Variants in ATP8B3 observed in about 807,000 individuals in gnomAD.
The protein encoded by ATP8B3 is ATPase phospholipid transporting 8B3.
ATP8B3 carries 141 observed loss-of-function variants against 140.9 expected under a neutral mutation model. The observed-to-expected ratio is 1.00, with a 90% CI of 0.87 to 1.15. The LOEUF (loss-of-function observed/expected upper bound fraction) is 1.15, where lower values mean the gene tolerates loss of function less well. Among genes scored for constraint, ATP8B3 ranks in the 50% most tolerant of loss-of-function variants. The probability of loss-of-function intolerance (pLI) is 0.00; values close to 1 mark genes in which losing one functional copy is unlikely to be tolerated. For missense variants in ATP8B3, 1,874 were observed against 1,740.6 expected (o/e 1.08, Z -1.36); for synonymous variants, 765 against 714.6 (o/e 1.07, Z -1.13).
rs184935422 is a variant in ATP8B3 at position 1,797,560 on chromosome 19, C to T, written c.1553-555G>A. Among the ~76,000 whole-genome samples, 28 of 150,678 alleles carry T rather than the reference C, an allele frequency of 1.9e-4. 2 individuals are homozygous for T. The East Asian group carries it at 5.4e-3, about 29-fold the overall frequency. ...TGTCGCCCAGACTGGAGTGCAGTGGCACAAGCTCAGCTCACTGCAACCTCA... is the reference window on the plus strand; with the variant it reads ...TGTCGCCCAGACTGGAGTGCAGTGGTACAAGCTCAGCTCACTGCAACCTCA... On this transcript the variant is annotated intron_variant, in intron 14 of 28. Transcript: ENST00000310127.
intron 5 of ATP8B3, 102 bp downstream of exon 5, chr19:1,808,120 G>A (rs1341555129): frequency 5.4e-6 from 5 of 925,094 alleles, no homozygotes; most frequent in Non-Finnish European, 8.5e-6. Context: ...GAGGGTCCCA[G>A]TCTGTGGGGA....
Position 1,810,614 on chromosome 19 carries a change from AT to A in ATP8B3, c.310+7del, listed in dbSNP as rs1332583650. On this transcript the variant is annotated splice_region_variant and intron_variant, in intron 3 of 28. Transcript: ENST00000310127. ...ACCTGCACCGCCCCCTCTGCCCAGGATCAGCACCTGAGTTCCTGTCCTCATC... is the reference window on the plus strand; with the variant it reads ...ACCTGCACCGCCCCCTCTGCCCAGGACAGCACCTGAGTTCCTGTCCTCATC... 1.2e-6 allele frequency: 2 copies of A among 1,612,126 alleles called. No individual in the cohort carries two copies. The highest frequency in any genetic ancestry group is 1.7e-5 in the Admixed American group (1 of 59,826).
intron 10 of ATP8B3, among the ~76,000 whole-genome samples, chr19:1,804,439 A>G (rs957346893): frequency 6.6e-6 from 1 of 152,100 alleles, no homozygotes; most frequent in African/African-American, 2.4e-5. Flanking sequence ...GAAACCCTGT[A>G]TCTACTAAAA....
rs187576612 is a variant in ATP8B3, at chr19:1,795,985, G to C, written c.1945C>G (p.Arg649Gly). The C allele has an allele frequency of 9.5e-5, 153 of 1,613,002 alleles. No individual in the cohort carries two copies. Among genetic ancestry groups the C allele is most frequent in the Non-Finnish European group, 1.2e-4 (141 of 1,179,852 alleles). The change falls in exon 18 of 29, where the codon CGA becomes GGA. Residue 649 changes from arginine to glycine, a missense_variant and splice_region_variant. By Grantham distance (125) the Arg-to-Gly change is moderately radical (BLOSUM62 -2). Around this residue, in one of 3 missense-constraint regions of ATP8B3, gnomAD observed 1,032 missense variants for 963.6 expected, o/e 1.07. Coordinates refer to ENST00000310127, the MANE Select transcript of ATP8B3 (RefSeq NM_138813.4). ...AGGCAGATGGCGCCCTCTGGCTTTC[G>C]AACTGTGGGGGAACAGGCCCTGCTG... is the stretch of plus-strand genomic sequence containing the variant. ...STRKRMSVLV[R>G]KPEGAICLYT... is the part of the protein sequence containing the mutation.
chr19:1,810,543 G>A (rs1221271049), intron 3 of ATP8B3, 79 bp downstream of exon 3: 1 of 1,416,504 alleles, frequency 7.1e-7, no homozygotes, highest in East Asian at 2.6e-5. Context: ...GGATTACAGG[G>A]GAGAGCCACC....
chr19:1,792,336 T>C (rs545200920), intron 18 of ATP8B3, among the ~76,000 whole-genome samples: 1 of 152,180 alleles, frequency 6.6e-6, no homozygotes, highest in African/African-American at 2.4e-5. Flanking sequence ...TCCCAGCACT[T>C]TGGGAGGCTG....
In ATP8B3 at chr19:1,811,934, C is replaced by T. The variant is rs575785315; in HGVS notation, c.-148-50G>A. On this transcript the variant is annotated intron_variant, in intron 1 of 28. Transcript: ENST00000310127. ...ACAGCGCTGGCTTCCTGCCCCCTCA[C>T]TAACTGGGATGCCCCATTACTCGGA... 9.0e-5 allele frequency: 57 copies of T among 635,110 alleles called. No homozygotes were observed. The African/African-American group carries it at 9.0e-4, about 10-fold the overall frequency. 39.3% of individuals were successfully genotyped at this position (635,110 alleles called of 1,614,324 possible).
chr19:1,806,033 T>C lies in ATP8B3; in HGVS notation c.750+64A>G, dbSNP rs1181331413. On this transcript the variant is annotated intron_variant, in intron 8 of 28. Coordinates refer to ENST00000310127, the MANE Select transcript of ATP8B3 (RefSeq NM_138813.4). This position sits in a 1 kb window ranked among gnomAD's most constrained non-coding sequence, Gnocchi z 5.6. ...GGGGGTGCGGCAGCCCTCCCCACCC[T>C]GGGAGGGGTGCTCTCGGTGAGGGGG... 21 of 1,597,276 alleles carry C rather than the reference T, an allele frequency of 1.3e-5. No individual in the cohort carries two copies. The highest frequency in any genetic ancestry group is 1.7e-4 in the Middle Eastern group (1 of 6,050).
chr19:1,811,344 G>C (rs950297278), intron 2 of ATP8B3, 145 bp downstream of exon 2: 15 of 1,182,854 alleles, frequency 1.3e-5, no homozygotes, highest in Middle Eastern at 2.9e-4. Flanking sequence ...CCCTGCACCG[G>C]GGGCCCTGGT....
rs1236255377 is a variant in ATP8B3 at position 1,791,867 on chromosome 19, G to A, written c.2191-6C>T. On this transcript the variant is annotated splice_polypyrimidine_tract_variant and splice_region_variant and intron_variant, in intron 19 of 28. Transcript: ENST00000310127. ...ATGGCTGTGGCTCCCAGCAGCTGGT[G>A]GGGGAGGAGGGCAGGGCGGGGAAGA... The A allele has an allele frequency of 6.2e-7, 1 of 1,609,770 alleles. No individual in the cohort carries two copies. The highest frequency in any genetic ancestry group is 1.7e-5 in the Admixed American group (1 of 59,978).
intron 10 of ATP8B3, among the ~76,000 whole-genome samples, chr19:1,804,997 CA>C (rs1440917354): frequency 6.6e-6 from 1 of 152,174 alleles, no homozygotes; most frequent in Non-Finnish European, 1.5e-5. Context: ...GGTTTTGACA[CA>C]GGGGTCTCAC....
At chr19:1,803,721 A>AC (rs2068923578) in intron 10 of ATP8B3, among the ~76,000 whole-genome samples, 1 of 151,902 alleles carries the variant, frequency 6.6e-6, no homozygotes, top group African/African-American at 2.4e-5. Flanking sequence ...ACATGGTGAA[A>AC]CCCCGTCTCT....
intron 4 of ATP8B3, among the ~76,000 whole-genome samples, chr19:1,809,220 C>T (rs527670580): frequency 2.8e-4 from 42 of 151,360 alleles, no homozygotes; most frequent in African/African-American, 9.2e-4. Flanking sequence ...CAGTGGCTTA[C>T]GCCTGTAATC....
rs774439070 is a variant in ATP8B3 at position 1,805,569 on chromosome 19, C to T, written c.822-113G>A. 3 of 962,226 alleles carry T rather than the reference C, an allele frequency of 3.1e-6. No homozygotes were observed. Among genetic ancestry groups the T allele is most frequent in the Non-Finnish European group, 4.8e-6 (3 of 619,024 alleles). The allele number at this position is 962,226 out of a possible 1,614,324, so 59.6% of individuals were successfully genotyped here. A position where few individuals can be genotyped will look rare whatever the true frequency, so the allele number is the denominator to read the frequency against. ...TTTCACTGAGCACCTACTAGTTCGCCAGCTGCCAGTCAGATGGCTGAGGCC... is the reference window on the plus strand; with the variant it reads ...TTTCACTGAGCACCTACTAGTTCGCTAGCTGCCAGTCAGATGGCTGAGGCC... On this transcript the variant is annotated intron_variant, in intron 9 of 28. Transcript: ENST00000310127. This position sits in a 1 kb window ranked among gnomAD's most constrained non-coding sequence, Gnocchi z 5.2.
Position 1,806,249 on chromosome 19 carries a change from A to G in ATP8B3, c.678-80T>C. ...ACCGGGAGACCAGAGGCACGGGATG[A>G]CGGGGGGCCCGCAGCTGCAGTCCCC... On this transcript the variant is annotated intron_variant, in intron 7 of 28. Coordinates refer to ENST00000310127, the MANE Select transcript of ATP8B3 (RefSeq NM_138813.4). This position sits in a 1 kb window ranked among gnomAD's most constrained non-coding sequence, Gnocchi z 5.6. 1 of 1,534,992 alleles carries G rather than the reference A, an allele frequency of 6.5e-7. No homozygotes were observed. Among genetic ancestry groups the G allele is most frequent in the Non-Finnish European group, 8.7e-7 (1 of 1,143,336 alleles).
In ATP8B3 at chr19:1,800,286, A is replaced by G. The variant is rs2145195744; in HGVS notation, c.1316T>C (p.Val439Ala). 6.2e-7 allele frequency: 1 copy of G among 1,612,392 alleles called. No individual in the cohort carries two copies. Among genetic ancestry groups the G allele is most frequent in the East Asian group, 2.2e-5 (1 of 44,868 alleles). Reference protein sequence around the residue: ...VFWSFLILLSVTIPMSMFILS... With the variant: ...VFWSFLILLSATIPMSMFILS... ...GATGAACATGGACATCGGGATGGTG[A>G]CGCTGAGCAGGATGAGGAAGCTCCA... Residue 439 changes from valine to alanine, a missense_variant, in exon 13 of 29, where the codon GTC (valine) becomes GCC (alanine). Physicochemically the swap from Val to Ala is moderately conservative, Grantham distance 64. This residue lies in a region of ATP8B3 where 1,032 missense variants were observed against 963.6 expected (regional missense o/e 1.07). Coordinates refer to ENST00000310127, the MANE Select transcript of ATP8B3 (RefSeq NM_138813.4). This position sits in a 1 kb window ranked among gnomAD's most constrained non-coding sequence, Gnocchi z 4.4.
At position 1,785,715 on chromosome 19, in the gene ATP8B3, G is replaced by T; in HGVS notation, c.3154-7C>A. 7.1e-7 allele frequency: 1 copy of T among 1,409,790 alleles called. No individual in the cohort carries two copies. Among genetic ancestry groups the T allele is most frequent in the Non-Finnish European group, 9.5e-7 (1 of 1,055,584 alleles). 87.3% of individuals were successfully genotyped at this position (1,409,790 alleles called of 1,614,324 possible). A position where few individuals can be genotyped will look rare whatever the true frequency, so the allele number is the denominator to read the frequency against. On this transcript the variant is annotated splice_polypyrimidine_tract_variant and splice_region_variant and intron_variant, in intron 25 of 28. Transcript: ENST00000310127. ...TCTGCTCTGCGCTCACGTCCTTGGGGCAAGCAGAAGCTCTTGGGATTGGGT... is the reference window on the plus strand; with the variant it reads ...TCTGCTCTGCGCTCACGTCCTTGGGTCAAGCAGAAGCTCTTGGGATTGGGT...
At chr19:1,786,957 A>C in intron 25 of ATP8B3, 146 bp downstream of exon 25, 1 of 655,906 alleles carries the variant, frequency 1.5e-6, no homozygotes, top group East Asian at 3.0e-5. Context: ...GGCAGTGGGC[A>C]GGGAGAGGTA....
chr19:1,807,240 G>A lies in ATP8B3; in HGVS notation c.543C>T (p.Pro181=), dbSNP rs781601091. ...LQSIPDISTL[P]WFSLSTPMVC... ...CCATAGGGGTACTGAGCGAGAACCA[G>A]GGCAGCGTGGAGATGTCGGGAATGC... Residue 181 remains proline (P), a synonymous_variant, in exon 6 of 29, where the codon CCC becomes CCT. Coordinates refer to ENST00000310127, the MANE Select transcript of ATP8B3 (RefSeq NM_138813.4). This position sits in a 1 kb window ranked among gnomAD's most constrained non-coding sequence, Gnocchi z 5.9. 1.2e-6 allele frequency: 2 copies of A among 1,612,642 alleles called. No homozygotes were observed. Among genetic ancestry groups the A allele is most frequent in the Non-Finnish European group, 1.7e-6 (2 of 1,179,652 alleles).
Sources: gnomAD v4.1 joint callset for allele counts (sites outside exome capture counted in the v4.1 genomes callset) on GRCh38, gnomAD v4.1.1 for gene constraint, gnomAD v4.1.1 regional missense constraint, Gnocchi (gnomAD v3.1) non-coding constraint, MANE v1.5 for transcripts, NCBI Gene and HGNC (gene_info 2026-07-23, HGNC 2026-07-21) for gene names.